C6orf118: variants seen among roughly 807,000 people sequenced by gnomAD.
C6orf118 encodes the protein uncharacterized protein C6orf118.
Under a neutral mutation model 50.2 loss-of-function variants are expected in C6orf118, and 50 were observed. The observed-to-expected ratio is 1.00, with a 90% CI of 0.79 to 1.26. The LOEUF (loss-of-function observed/expected upper bound fraction) is 1.26, where lower values mean the gene tolerates loss of function less well. C6orf118 is among the 50% of genes most tolerant of loss of function. The pLI, the probability that C6orf118 is intolerant of heterozygous loss-of-function variation, is 0.00. For synonymous variants in C6orf118, 239 were observed against 230.9 expected, an observed-to-expected ratio of 1.03 and a Z score of -0.32; for missense variants, 641 against 578.7, an observed-to-expected ratio of 1.11 and a Z score of -1.10.
At chr6:165,300,165 TG>T (rs2128162632) in intron 3 of C6orf118, among the ~76,000 whole-genome samples, 198 bp downstream of exon 3, 1 of 152,332 alleles carries the variant, frequency 6.6e-6, no homozygotes, top group South Asian at 2.1e-4. Flanking sequence ...ATGAGTTAAC[TG>T]GGTGTTGATT....
rs1366486613 is a variant in C6orf118 at position 165,309,543 on chromosome 6, G to GCCGCTCCAGGCCACTTACATTCAGGCTC, written c.16_25+18dup. On this transcript the variant is annotated intron_variant, in intron 1 of 8. Transcript: ENST00000230301. ...AAGCAAATCTCACAAGCCAGCAAGA[G>GCCGCTCCAGGCCACTTACATTCAGGCTC]CCGCTCCAGGCCACTTACATTCAGG... The GCCGCTCCAGGCCACTTACATTCAGGCTC allele has an allele frequency of 3.1e-6, 5 of 1,613,984 alleles. No individual in the cohort carries two copies. The East Asian group carries it at 8.9e-5, about 29-fold the overall frequency.
At chr6:165,308,570 G>A (rs1180587155) in intron 1 of C6orf118, among the ~76,000 whole-genome samples, 1 of 152,160 alleles carries the variant, frequency 6.6e-6, no homozygotes, top group Non-Finnish European at 1.5e-5. Context: ...TTACCCTCGA[G>A]TCCAGCCTGG....
In C6orf118 at chr6:165,309,411, T is replaced by C. The variant is rs569164312; in HGVS notation, c.25+151A>G. 9 of 877,162 alleles carry C rather than the reference T, an allele frequency of 1.0e-5. 1 individual carries two copies. Among genetic ancestry groups the C allele is most frequent in the African/African-American group, 3.3e-5 (2 of 60,100 alleles). The allele number at this position is 877,162 out of a possible 1,614,324, so 54.3% of individuals were successfully genotyped here. A position where few individuals can be genotyped will look rare whatever the true frequency, so the allele number is the denominator to read the frequency against. On this transcript the variant is annotated intron_variant, in intron 1 of 8. Transcript: ENST00000230301. ...CTCTGAGGAGGCAGCACAACCCCAATCCAGTCCTCAGCCCTAGTGACCCTG... is the reference window on the plus strand; with the variant it reads ...CTCTGAGGAGGCAGCACAACCCCAACCCAGTCCTCAGCCCTAGTGACCCTG...
chr6:165,296,383 C>T (rs1246957516), intron 5 of C6orf118, among the ~76,000 whole-genome samples: 1 of 151,456 alleles, frequency 6.6e-6, no homozygotes, highest in Non-Finnish European at 1.5e-5. Context: ...CTCCCAGTGC[C>T]TCAAAATGGT....
chr6:165,302,015 C>T lies in C6orf118; in HGVS notation c.307G>A (p.Ala103Thr). 1.2e-6 allele frequency: 2 copies of T among 1,613,552 alleles called. No individual in the cohort carries two copies. Among genetic ancestry groups the T allele is most frequent in the Non-Finnish European group, 1.7e-6 (2 of 1,179,910 alleles). The change falls in exon 2 of 9, where the codon GCG becomes ACG. Residue 103 changes from alanine (A) to threonine (T), a missense_variant. By Grantham distance (58) the Ala-to-Thr change is moderately conservative. Transcript: ENST00000230301. ...TGGGCCAGGGCCTCCTTCATCCTCG[C>T]CACCTTCCCTGCGGGCGGCTCTCCC... is the stretch of plus-strand genomic sequence containing the variant. Reference protein sequence around the residue: ...EVGEPPAGKVARMKEALAHFT... With the variant: ...EVGEPPAGKVTRMKEALAHFT...
At chr6:165,288,063 A>G (rs1017216255) in intron 7 of C6orf118, among the ~76,000 whole-genome samples, 5 of 152,214 alleles carry the variant, frequency 3.3e-5, no homozygotes, top group Non-Finnish European at 5.9e-5. Flanking sequence ...ACAATCTACA[A>G]GGAACTTGAA....
At chr6:165,296,250 G>C (rs145390536) in intron 5 of C6orf118, among the ~76,000 whole-genome samples, 1 of 103,364 alleles carries the variant, frequency 9.7e-6, no homozygotes, top group Non-Finnish European at 2.1e-5. Context: ...TTCGTTTTTT[G>C]TTTTTTTTTT....
At chr6:165,282,976 A>G (rs1366129136) in intron 7 of C6orf118, among the ~76,000 whole-genome samples, 1 of 152,218 alleles carries the variant, frequency 6.6e-6, no homozygotes, top group East Asian at 1.9e-4. Context: ...GCTTGTCCTG[A>G]GGACATTTAT....
At chr6:165,301,155 G>A (rs1016383183) in intron 2 of C6orf118, among the ~76,000 whole-genome samples, 3 of 152,000 alleles carry the variant, frequency 2.0e-5, no homozygotes, top group African/African-American at 7.3e-5. Context: ...TGTCCCCATT[G>A]AAGGTGCTAA....
At chr6:165,289,724 A>G (rs1780039197) in intron 7 of C6orf118, among the ~76,000 whole-genome samples, 162 bp downstream of exon 7, 1 of 152,062 alleles carries the variant, frequency 6.6e-6, no homozygotes, top group Non-Finnish European at 1.5e-5. Context: ...TAGATCTTTT[A>G]ATTATTATGA....
chr6:165,299,057 G>A (rs888280070), intron 4 of C6orf118, among the ~76,000 whole-genome samples: 41 of 152,114 alleles, frequency 2.7e-4, no homozygotes, highest in East Asian at 1.7e-3. Context: ...GCTGTCACCC[G>A]TTAAACAAAG....
chr6:165,287,609 G>C (rs982023274), intron 7 of C6orf118, among the ~76,000 whole-genome samples: 1 of 152,150 alleles, frequency 6.6e-6, no homozygotes, highest in African/African-American at 2.4e-5. Flanking sequence ...GAACGGAATA[G>C]AGAACTCAGA....
chr6:165,280,074 T>C lies in C6orf118; in HGVS notation c.1393A>G (p.Arg465Gly). 3 of 1,608,756 alleles carry C rather than the reference T, an allele frequency of 1.9e-6. No homozygotes were observed. Residue 465 changes from arginine to glycine, a missense_variant, in exon 9 of 9, where the codon AGA becomes GGA. Physicochemically the swap from Arg to Gly is moderately radical, Grantham distance 125. Coordinates refer to ENST00000230301, the MANE Select transcript of C6orf118 (RefSeq NM_144980.4). Reference protein sequence around the residue: ...LEIYQGICKIRGNRR With the variant: ...LEIYQGICKIGGNRR ...CTTGAGCGTTATCTTCTGTTTCCTC[T>C]GATTTTACAAATTCCTTGATAAATT...
At chr6:165,281,229 G>A (rs1779719587) in intron 8 of C6orf118, among the ~76,000 whole-genome samples, 1 of 152,124 alleles carries the variant, frequency 6.6e-6, no homozygotes, top group African/African-American at 2.4e-5. Flanking sequence ...CTGCCCATGT[G>A]AATTCACCCT....
chr6:165,282,647 CTTTT>C (rs3079844), intron 7 of C6orf118, among the ~76,000 whole-genome samples: 1 of 141,144 alleles, frequency 7.1e-6, no homozygotes, highest in South Asian at 2.2e-4. Flanking sequence ...ACATTCAGCT[CTTTT>C]TTTTTTTTTT....
At chr6:165,287,300 A>G (rs545422030) in intron 7 of C6orf118, among the ~76,000 whole-genome samples, 1 of 152,192 alleles carries the variant, frequency 6.6e-6, no homozygotes, top group African/African-American at 2.4e-5. Context: ...AAATGGAAAA[A>G]CATTCCATGC....
At chr6:165,283,552 A>G (rs1779803943) in intron 7 of C6orf118, among the ~76,000 whole-genome samples, 2 of 152,188 alleles carry the variant, frequency 1.3e-5, no homozygotes, top group South Asian at 2.1e-4. Context: ...CAGACACCTT[A>G]TACAAAAGCG....
intron 5 of C6orf118, among the ~76,000 whole-genome samples, chr6:165,296,771 G>C (rs1473157678): frequency 6.6e-6 from 1 of 152,110 alleles, no homozygotes; most frequent in Non-Finnish European, 1.5e-5. Context: ...TCTGGGATCC[G>C]TAAGTAACAA....
At chr6:165,296,375 C>T (rs1306441174) in intron 5 of C6orf118, among the ~76,000 whole-genome samples, 1 of 150,812 alleles carries the variant, frequency 6.6e-6, no homozygotes, top group Admixed American at 6.6e-5. Flanking sequence ...TTCTCCTCCT[C>T]CCAGTGCCTC....
Sources: allele counts gnomAD v4.1 joint callset (sites outside exome capture counted in the v4.1 genomes callset), GRCh38; gene constraint gnomAD v4.1.1; transcripts MANE v1.5; gene names NCBI Gene and HGNC (gene_info 2026-07-23, HGNC 2026-07-21).